FAT3: variants seen among roughly 807,000 people sequenced by gnomAD.
FAT3 encodes protocadherin Fat 3.
In FAT3, 95 loss-of-function variants were observed where a neutral mutation model predicts 310.2. The ratio of observed to expected loss-of-function variants is 0.31; its 90% CI spans 0.26 to 0.36. The LOEUF (loss-of-function observed/expected upper bound fraction) is 0.36, where lower values mean the gene tolerates loss of function less well. Among genes scored for constraint, FAT3 ranks in the 10% least tolerant of loss-of-function variants. The pLI is 1.00. For synonymous variants in FAT3, 2,314 were observed against 2,192.9 expected, an observed-to-expected ratio of 1.06 and a Z score of -1.54; for missense variants, 5,408 against 5,715.6, an observed-to-expected ratio of 0.95 and a Z score of 1.74.
At chr11:92,756,591 C>T (rs1029512747) in intron 4 of FAT3, among the ~76,000 whole-genome samples, 1 of 152,166 alleles carries the variant, frequency 6.6e-6, no homozygotes, top group Non-Finnish European at 1.5e-5. Context: ...TTCTTAGACA[C>T]TCTTGTAATC....
chr11:92,761,900 T>G lies in FAT3; in HGVS notation c.3714T>G (p.Ile1238Met). Residue 1238 changes from isoleucine (I) to methionine (M), a missense_variant, in exon 5 of 28, where the codon ATT becomes ATG. Ile to Met is a conservative substitution (Grantham distance 10, BLOSUM62 1). This residue lies in a region of FAT3 where 4,588 missense variants were observed against 4,809.8 expected (regional missense o/e 0.95). Transcript: ENST00000525166. ...GTCCCTCTCCAAAACAGTCAACCATTTGGGTGGTGGTTCAGGTTCTAGATG... is the reference window on the plus strand; with the variant it reads ...GTCCCTCTCCAAAACAGTCAACCATGTGGGTGGTGGTTCAGGTTCTAGATG... ...DGGPSPKQST[I>M]WVVVQVLDEN... 2 of 1,613,936 alleles carry G rather than the reference T, an allele frequency of 1.2e-6. No homozygotes were observed. The highest frequency in any genetic ancestry group is 1.1e-5 in the South Asian group (1 of 91,068).
At chr11:92,647,507 T>C (rs1477600789) in intron 3 of FAT3, among the ~76,000 whole-genome samples, 2 of 152,166 alleles carry the variant, frequency 1.3e-5, no homozygotes, top group Non-Finnish European at 2.9e-5. Flanking sequence ...TGATACAGCA[T>C]GCACTTTTCT....
rs200132252 is a variant in FAT3 at position 92,790,100 on chromosome 11, A to T, written c.4493A>T (p.His1498Leu). 9 of 1,613,832 alleles carry T rather than the reference A, an allele frequency of 5.6e-6. No individual in the cohort carries two copies. Among genetic ancestry groups the T allele is most frequent in the Non-Finnish European group, 7.6e-6 (9 of 1,179,754 alleles). ...DEKHKLSYTV[H>L]SSIDSISMRK... ...AAGCACAAGCTGAGCTACACTGTTC[A>T]TAGCAGCATCGACTCCATCAGCATG... The change falls in exon 8 of 28, where the codon CAT becomes CTT. Residue 1498 changes from histidine to leucine, a missense_variant. His to Leu is a moderately conservative substitution (Grantham distance 99, BLOSUM62 -3). Around this residue, in one of 5 missense-constraint regions of FAT3, gnomAD observed 4,588 missense variants for 4,809.8 expected, o/e 0.95. Transcript: ENST00000525166.
chr11:92,589,617 A>G (rs935304521), intron 3 of FAT3, among the ~76,000 whole-genome samples: 5 of 151,932 alleles, frequency 3.3e-5, no homozygotes, highest in African/African-American at 1.2e-4. Context: ...TGGATATATC[A>G]TATTTGCTTT....
intron 1 of FAT3, among the ~76,000 whole-genome samples, chr11:92,295,303 C>T (rs1478831791): frequency 6.6e-6 from 1 of 152,074 alleles, no homozygotes; most frequent in African/African-American, 2.4e-5. Context: ...CTGCCAAGAG[C>T]ACTTATGGAA....
intron 13 of FAT3, among the ~76,000 whole-genome samples, chr11:92,824,952 T>C (rs1305147603): frequency 6.6e-6 from 1 of 152,188 alleles, no homozygotes; most frequent in African/African-American, 2.4e-5. Flanking sequence ...ATTCAACCAG[T>C]CCTCATTGTT....
In FAT3 at chr11:92,831,750, A is replaced by G; in HGVS notation, c.9610A>G (p.Ser3204Gly). ...TGAGCAGCAGTCTTCGTACAACATC[A>G]GCGTGCGGGCCACTGACCAGAGTCC... is the stretch of plus-strand genomic sequence containing the variant. ...DREQQSSYNI[S>G]VRATDQSPGQ... is the part of the protein sequence containing the mutation. The change falls in exon 14 of 28, where the codon AGC (serine) becomes GGC (glycine). Residue 3204 changes from serine to glycine, a missense_variant. Transcript: ENST00000525166. 1 of 1,613,472 alleles carries G rather than the reference A, an allele frequency of 6.2e-7. No individual in the cohort carries two copies. Among genetic ancestry groups the G allele is most frequent in the East Asian group, 2.2e-5 (1 of 44,822 alleles).
At position 92,353,438 on chromosome 11, in the gene FAT3, T is replaced by A. The variant is rs1165738790; in HGVS notation, c.1326T>A (p.Val442=). 1.2e-6 allele frequency: 2 copies of A among 1,613,436 alleles called. No homozygotes were observed. The highest frequency in any genetic ancestry group is 1.7e-6 in the Non-Finnish European group (2 of 1,179,784). Residue 442 remains valine, a synonymous_variant, in exon 2 of 28, where the codon GTT becomes GTA. Transcript: ENST00000525166. ...ARPLNTVKKE[V]YKLEVTNKEG... ...CACTGAATACTGTTAAGAAGGAGGT[T>A]TATAAACTGGAGGTGACAAACAAGG... is the stretch of plus-strand genomic sequence containing the variant.
chr11:92,785,344 T>C (rs1288021800), intron 7 of FAT3, among the ~76,000 whole-genome samples: 2 of 152,156 alleles, frequency 1.3e-5, no homozygotes, highest in Non-Finnish European at 2.9e-5. Flanking sequence ...GACAGGGACA[T>C]CACTATATTC....
intron 4 of FAT3, among the ~76,000 whole-genome samples, chr11:92,727,047 T>C (rs1189102140): frequency 1.3e-5 from 2 of 152,130 alleles, no homozygotes; most frequent in Non-Finnish European, 2.9e-5. Flanking sequence ...CCCTAAAATA[T>C]TCAAAAGCTT....
rs1023987160 is a variant in FAT3 at position 92,359,406 on chromosome 11, G to A, written c.3292+4002G>A. Among the ~76,000 whole-genome samples the A allele has an allele frequency of 6.6e-5, 10 of 152,198 alleles. No homozygotes were observed. In the East Asian group the frequency reaches 1.9e-3, roughly 29 times the overall value. On this transcript the variant is annotated intron_variant, in intron 2 of 27. Coordinates refer to ENST00000525166, the MANE Select transcript of FAT3 (RefSeq NM_001367949.2). ...CTATTTCTATGCTTCAGTAATTGTA[G>A]TGCTTAATGTTTTGTGGAAGTGTGT...
chr11:92,494,026 A>T (rs1485954427), intron 2 of FAT3, among the ~76,000 whole-genome samples: 2 of 112,256 alleles, frequency 1.8e-5, no homozygotes, highest in Non-Finnish European at 3.6e-5. Context: ...AAGTTATCTG[A>T]TTCTATTTTT....
chr11:92,726,476 T>C (rs2135986473), intron 4 of FAT3, among the ~76,000 whole-genome samples: 1 of 152,204 alleles, frequency 6.6e-6, no homozygotes, highest in Non-Finnish European at 1.5e-5. Context: ...AATACAAATT[T>C]TAAGCTGATA....
At chr11:92,438,335 A>G (rs963735887) in intron 2 of FAT3, among the ~76,000 whole-genome samples, 2 of 152,280 alleles carry the variant, frequency 1.3e-5, no homozygotes, top group East Asian at 3.9e-4. Flanking sequence ...ACTTGAGAGG[A>G]GTTATTTCTT....
intron 2 of FAT3, among the ~76,000 whole-genome samples, chr11:92,514,949 T>C (rs1397503136): frequency 6.6e-6 from 1 of 152,154 alleles, no homozygotes; most frequent in African/African-American, 2.4e-5. Context: ...GAGGATCCTA[T>C]CACCTGATTT....
chr11:92,275,964 G>A (rs1330801123), intron 1 of FAT3, among the ~76,000 whole-genome samples: 1 of 152,138 alleles, frequency 6.6e-6, no homozygotes, highest in East Asian at 1.9e-4. Context: ...GTTTATGTGT[G>A]TGATACATAT....
At position 92,895,466 on chromosome 11, in the gene FAT3, G is replaced by C. The variant is rs1338302440; in HGVS notation, c.*4353G>C. On this transcript the variant is annotated 3_prime_UTR_variant, in exon 28 of 28. Coordinates refer to ENST00000525166, the MANE Select transcript of FAT3 (RefSeq NM_001367949.2). ...TAATAATGAAAAGCAATAATTACAA[G>C]TAGGTAATAATACACAAAGGCCATA... 6.6e-6 allele frequency: 1 copy of C among 152,212 alleles called. No individual in the cohort carries two copies. Among genetic ancestry groups the C allele is most frequent in the East Asian group, 1.9e-4 (1 of 5,200 alleles). The allele number at this position is 152,212 out of a possible 1,614,324, so 9.4% of individuals were successfully genotyped here.
chr11:92,486,884 C>T (rs1051822407), intron 2 of FAT3, among the ~76,000 whole-genome samples: 1 of 152,144 alleles, frequency 6.6e-6, no homozygotes, highest in African/African-American at 2.4e-5. Flanking sequence ...GTGTCCCACT[C>T]TCATCTGGTT....
intron 1 of FAT3, among the ~76,000 whole-genome samples, chr11:92,230,038 T>C (rs774107364): frequency 3.9e-5 from 6 of 152,136 alleles, no homozygotes; most frequent in Non-Finnish European, 5.9e-5. Flanking sequence ...TTGCCTACCG[T>C]GGGCGGAAAA....
Sources: allele counts gnomAD v4.1 joint callset (sites outside exome capture counted in the v4.1 genomes callset), GRCh38; gene constraint gnomAD v4.1.1; regional missense constraint gnomAD v4.1.1; transcripts MANE v1.5; gene names NCBI Gene and HGNC (gene_info 2026-07-23, HGNC 2026-07-21).